Variants in DIP2B observed in about 807,000 individuals in gnomAD.
DIP2B encodes disco-interacting protein 2 homolog B.
Under a neutral mutation model 198.0 loss-of-function variants are expected in DIP2B, and 76 were observed. The observed-to-expected ratio is 0.38, with a 90% CI of 0.32 to 0.46. DIP2B has a LOEUF of 0.46. DIP2B is among the 20% of genes least tolerant of loss of function. The pLI is 0.99. For synonymous variants in DIP2B, 701 were observed against 739.1 expected, an observed-to-expected ratio of 0.95 and a Z score of 0.84; for missense variants, 1,559 against 1,978.4, an observed-to-expected ratio of 0.79 and a Z score of 4.02.
At chr12:50,740,975 G>A (rs917590804) in intron 36 of DIP2B, among the ~76,000 whole-genome samples, 7 of 152,006 alleles carry the variant, frequency 4.6e-5, no homozygotes, top group African/African-American at 1.5e-4. Flanking sequence ...CTGCCCCTCC[G>A]AACCTCATGC....
chr12:50,598,735 C>CTT, intron 1 of DIP2B, among the ~76,000 whole-genome samples: 1 of 410 alleles, frequency 2.4e-3, no homozygotes, highest in Non-Finnish European at 5.3e-3. Flanking sequence ...TCCCTCCCCT[C>CTT]CCCCCTCCCC....
At chr12:50,623,542 C>T (rs1169595720) in intron 1 of DIP2B, among the ~76,000 whole-genome samples, 1 of 151,604 alleles carries the variant, frequency 6.6e-6, no homozygotes, top group African/African-American at 2.4e-5. Context: ...CACACACACA[C>T]ACACACTCTC....
intron 20 of DIP2B, 94 bp from the exon 21 acceptor site, chr12:50,706,444 T>C: frequency 6.8e-7 from 1 of 1,465,212 alleles, no homozygotes; most frequent in Non-Finnish European, 9.3e-7. Context: ...TTTAATACTT[T>C]TTAAATGAGA....
In DIP2B at chr12:50,710,544, C is replaced by T. The variant is rs1365336501; in HGVS notation, c.2649+1982C>T. Among the ~76,000 whole-genome samples, 3 of 152,090 alleles carry T rather than the reference C, an allele frequency of 2.0e-5. No individual in the cohort carries two copies. The East Asian group carries it at 5.8e-4, about 29-fold the overall frequency. On this transcript the variant is annotated intron_variant, in intron 22 of 37. Coordinates refer to ENST00000301180, the MANE Select transcript of DIP2B (RefSeq NM_173602.3). ...GTTCAAGCGATTCTCCTGTCTCAGA[C>T]TCCCAAGTAGCTGGAATTACAGGCA...
chr12:50,508,307 A>G, intron 1 of DIP2B, among the ~76,000 whole-genome samples: 1 of 152,206 alleles, frequency 6.6e-6, no homozygotes, highest in East Asian at 1.9e-4. Flanking sequence ...ATTTTTAATG[A>G]TCCACATATT....
chr12:50,727,667 G>T (rs1565883771), intron 28 of DIP2B, 36 bp from the exon 29 acceptor site: 1 of 1,565,830 alleles, frequency 6.4e-7, no homozygotes. Context: ...GTTCCAGCAT[G>T]TTGGATTGAC....
At chr12:50,603,946 G>A (rs1285517927) in intron 1 of DIP2B, among the ~76,000 whole-genome samples, 4 of 152,084 alleles carry the variant, frequency 2.6e-5, no homozygotes, top group African/African-American at 7.2e-5. Flanking sequence ...GCCATGGCCT[G>A]GTTCCAGGCC....
chr12:50,556,365 G>T (rs1169894325), intron 1 of DIP2B, among the ~76,000 whole-genome samples: 1 of 151,938 alleles, frequency 6.6e-6, no homozygotes, highest in Non-Finnish European at 1.5e-5. Flanking sequence ...GTAAGCCATC[G>T]AGCCCGGCCG....
At chr12:50,654,038 T>G (rs1191907154) in intron 3 of DIP2B, among the ~76,000 whole-genome samples, 1 of 151,824 alleles carries the variant, frequency 6.6e-6, no homozygotes, top group Admixed American at 6.6e-5. Flanking sequence ...CACACCTGGC[T>G]ACTTTTTGTA....
At chr12:50,518,468 CA>C (rs537988117) in intron 1 of DIP2B, among the ~76,000 whole-genome samples, 177 of 152,154 alleles carry the variant, frequency 1.2e-3, no homozygotes, top group Non-Finnish European at 2.2e-3. Flanking sequence ...CCCGGCCTCC[CA>C]AAGTACTGGG....
chr12:50,735,727 G>A (rs1376131272), intron 34 of DIP2B, among the ~76,000 whole-genome samples: 13 of 152,140 alleles, frequency 8.5e-5, no homozygotes, highest in Non-Finnish European at 5.9e-5. Flanking sequence ...GCCTCCCAAA[G>A]TGCTGGGATT....
chr12:50,722,204 T>TC (rs1939849276), intron 26 of DIP2B, among the ~76,000 whole-genome samples: 1 of 152,110 alleles, frequency 6.6e-6, no homozygotes, highest in African/African-American at 2.4e-5. Context: ...TGGCCTGTTA[T>TC]CCCCCCACAC....
Position 50,565,848 on chromosome 12 carries a change from C to A in DIP2B, c.101-60128C>A, listed in dbSNP as rs184318123. On this transcript the variant is annotated intron_variant, in intron 1 of 37. Coordinates refer to ENST00000301180, the MANE Select transcript of DIP2B (RefSeq NM_173602.3). Reference sequence around the variant, plus strand: ...AAAGTCATTTTCAAAATTGATTTACCCCTTTGGGGTCCTGTTAACTGCTTA... The same window carrying A: ...AAAGTCATTTTCAAAATTGATTTACACCTTTGGGGTCCTGTTAACTGCTTA... 9.2e-5 allele frequency among the ~76,000 whole-genome samples: 14 copies of A among 152,076 alleles called. No homozygotes were observed. The East Asian group carries it at 2.5e-3, about 27-fold the overall frequency.
chr12:50,740,667 G>A (rs1033082331), intron 36 of DIP2B, among the ~76,000 whole-genome samples: 9 of 152,152 alleles, frequency 5.9e-5, no homozygotes, highest in East Asian at 3.8e-4. Context: ...AGAAATCTGC[G>A]TTTTTCCAGA....
chr12:50,716,610 A>C (rs536125998), intron 23 of DIP2B, among the ~76,000 whole-genome samples: 4 of 152,342 alleles, frequency 2.6e-5, no homozygotes, highest in African/African-American at 9.6e-5. Context: ...CAGCTTCCCC[A>C]AATATTTACC....
At chr12:50,602,573 A>G (rs1467716561) in intron 1 of DIP2B, among the ~76,000 whole-genome samples, 1 of 152,192 alleles carries the variant, frequency 6.6e-6, no homozygotes, top group Non-Finnish European at 1.5e-5. Flanking sequence ...AAAATTTAAT[A>G]TTTAGGGGGC....
chr12:50,618,398 G>A (rs1937742286), intron 1 of DIP2B, among the ~76,000 whole-genome samples: 2 of 152,182 alleles, frequency 1.3e-5, no homozygotes, highest in South Asian at 4.1e-4. Flanking sequence ...TGAAATTACA[G>A]CTTCTGTGTC....
intron 4 of DIP2B, 123 bp from the exon 5 acceptor site, chr12:50,671,063 A>C: frequency 2.2e-6 from 2 of 896,554 alleles, no homozygotes; most frequent in Non-Finnish European, 3.3e-6. Flanking sequence ...TTACATATTA[A>C]TCTACCTTAA....
intron 4 of DIP2B, 126 bp from the exon 5 acceptor site, chr12:50,671,059 AT>A: frequency 2.3e-6 from 2 of 878,352 alleles, no homozygotes; most frequent in Non-Finnish European, 3.4e-6. Flanking sequence ...AACTTTACAT[AT>A]TAATCTACCT....
Sources: gnomAD v4.1 joint callset for allele counts (sites outside exome capture counted in the v4.1 genomes callset) on GRCh38, gnomAD v4.1.1 for gene constraint, MANE v1.5 for transcripts, NCBI Gene and HGNC (gene_info 2026-07-23, HGNC 2026-07-21) for gene names.